The following RNF180 variants were observed in gnomAD, a reference collection of about 807,000 sequenced individuals.
RNF180 encodes the protein E3 ubiquitin-protein ligase RNF180.
A neutral mutation model predicts 59.2 loss-of-function variants in RNF180; 38 were observed. That is an observed-to-expected ratio of 0.64 (90% CI 0.50 to 0.84). RNF180 has a LOEUF of 0.84. RNF180 is among the 40% of genes least tolerant of loss of function. RNF180 has a pLI of 0.00. For synonymous variants in RNF180, 262 were observed against 240.3 expected (o/e 1.09, Z -0.84); for missense variants, 705 against 700.9 (o/e 1.01, Z -0.07).
At chr5:64,364,464 T>C (rs1746372332) in intron 7 of RNF180, among the ~76,000 whole-genome samples, 1 of 151,828 alleles carries the variant, frequency 6.6e-6, no homozygotes, top group Admixed American at 6.6e-5. Flanking sequence ...TGCTGATAAA[T>C]TCAATTTGCC....
chr5:64,329,445 TTC>T (rs1215830383), intron 6 of RNF180, among the ~76,000 whole-genome samples: 1 of 151,274 alleles, frequency 6.6e-6, no homozygotes, highest in African/African-American at 2.4e-5. Flanking sequence ...TAGATTTTTT[TTC>T]TTTTTTTTTC....
chr5:64,207,914 A>G (rs934207057), intron 2 of RNF180, among the ~76,000 whole-genome samples: 1 of 152,098 alleles, frequency 6.6e-6, no homozygotes, highest in Non-Finnish European at 1.5e-5. Flanking sequence ...TAGTTGGCTC[A>G]CATTTAAAGA....
intron 1 of RNF180, among the ~76,000 whole-genome samples, chr5:64,175,223 T>C (rs550500897): frequency 2.0e-5 from 3 of 152,188 alleles, no homozygotes; most frequent in Non-Finnish European, 4.4e-5. Context: ...CGCCTCGGAC[T>C]CCCAAAGAGC....
chr5:64,197,471 G>A (rs1003913600), intron 1 of RNF180, among the ~76,000 whole-genome samples: 1 of 152,080 alleles, frequency 6.6e-6, no homozygotes, highest in South Asian at 2.1e-4. Flanking sequence ...AGCAATAGTG[G>A]GTAAAACTGC....
intron 7 of RNF180, among the ~76,000 whole-genome samples, chr5:64,347,548 A>G (rs1252855470): frequency 3.3e-5 from 5 of 152,140 alleles, no homozygotes; most frequent in Admixed American, 1.3e-4. Flanking sequence ...TTACCATCCC[A>G]TAACTGTAGC....
intron 5 of RNF180, among the ~76,000 whole-genome samples, chr5:64,265,236 T>A (rs1744589329): frequency 6.6e-6 from 1 of 152,208 alleles, no homozygotes; most frequent in African/African-American, 2.4e-5. Flanking sequence ...TTTAATTAGA[T>A]CCCATTTATC....
chr5:64,197,349 C>T (rs948836979), intron 1 of RNF180, among the ~76,000 whole-genome samples: 2 of 152,144 alleles, frequency 1.3e-5, no homozygotes, highest in African/African-American at 4.8e-5. Context: ...TGCTTCATGC[C>T]GCTGGTGTCT....
chr5:64,321,962 G>A (rs1744375443), intron 5 of RNF180, among the ~76,000 whole-genome samples: 1 of 152,140 alleles, frequency 6.6e-6, no homozygotes, highest in African/African-American at 2.4e-5. Flanking sequence ...GCCATATGCA[G>A]AAAACAAACT....
intron 7 of RNF180, among the ~76,000 whole-genome samples, chr5:64,334,932 A>T (rs1172776597): frequency 6.6e-6 from 1 of 152,220 alleles, no homozygotes; most frequent in Non-Finnish European, 1.5e-5. Context: ...GCTGGGTCAT[A>T]GGAAAAGCAC....
At chr5:64,230,219 T>C (rs930231303) in intron 5 of RNF180, among the ~76,000 whole-genome samples, 2 of 152,240 alleles carry the variant, frequency 1.3e-5, no homozygotes, top group African/African-American at 4.8e-5. Flanking sequence ...TCTGTGTACT[T>C]TGATACTATG....
intron 5 of RNF180, among the ~76,000 whole-genome samples, chr5:64,300,424 T>G (rs1028448043): frequency 6.6e-6 from 1 of 151,782 alleles, no homozygotes; most frequent in African/African-American, 2.4e-5. Context: ...TCATCTGGAT[T>G]TATGATGGTT....
At chr5:64,272,985 A>G (rs913069307) in intron 5 of RNF180, among the ~76,000 whole-genome samples, 6 of 151,914 alleles carry the variant, frequency 3.9e-5, no homozygotes, top group Non-Finnish European at 7.4e-5. Context: ...GGAGTACTAA[A>G]TCTGAAGTTT....
chr5:64,183,458 T>TC (rs1172631953), intron 1 of RNF180, among the ~76,000 whole-genome samples: 6 of 142,194 alleles, frequency 4.2e-5, no homozygotes, highest in African/African-American at 1.6e-4. Flanking sequence ...TTTTTTTTTT[T>TC]TTTTTTTTTG....
At chr5:64,183,397 A>T (rs1750710124) in intron 1 of RNF180, among the ~76,000 whole-genome samples, 1 of 149,996 alleles carries the variant, frequency 6.7e-6, no homozygotes. Flanking sequence ...TGAAGGATAT[A>T]CCACTTTCTG....
intron 5 of RNF180, among the ~76,000 whole-genome samples, chr5:64,289,038 C>T (rs919493247): frequency 2.6e-5 from 4 of 151,946 alleles, no homozygotes; most frequent in African/African-American, 7.2e-5. Context: ...TGTCATATAT[C>T]GCTCTTATTA....
chr5:64,253,094 G>T (rs971151842), intron 5 of RNF180, among the ~76,000 whole-genome samples: 1 of 152,122 alleles, frequency 6.6e-6, no homozygotes, highest in Non-Finnish European at 1.5e-5. Flanking sequence ...TTGCCTTGAA[G>T]ATTGTTGTCC....
chr5:64,349,970 A>G (rs1272135095), intron 7 of RNF180, among the ~76,000 whole-genome samples: 1 of 151,582 alleles, frequency 6.6e-6, no homozygotes, highest in African/African-American at 2.4e-5. Flanking sequence ...TTCTAATTCT[A>G]GATCCTTGAG....
chr5:64,180,975 C>T (rs1750542667), intron 1 of RNF180, among the ~76,000 whole-genome samples: 1 of 152,154 alleles, frequency 6.6e-6, no homozygotes, highest in South Asian at 2.1e-4. Flanking sequence ...ATGCAGCCTT[C>T]AGTCTGTCGC....
intron 1 of RNF180, among the ~76,000 whole-genome samples, chr5:64,177,884 C>T (rs1027717610): frequency 3.9e-5 from 6 of 152,018 alleles, no homozygotes; most frequent in African/African-American, 1.4e-4. Flanking sequence ...AGGACCATTA[C>T]TGAAACCCAC....
Sources: gnomAD v4.1 joint callset for allele counts (sites outside exome capture counted in the v4.1 genomes callset) on GRCh38, gnomAD v4.1.1 for gene constraint, MANE v1.5 for transcripts, NCBI Gene and HGNC (gene_info 2026-07-23, HGNC 2026-07-21) for gene names.